KLB: variants seen among roughly 807,000 people sequenced by gnomAD.
The protein encoded by KLB is klotho beta.
In KLB, 44 loss-of-function variants were observed where a neutral mutation model predicts 88.4. The observed-to-expected ratio is 0.50, with a 90% CI of 0.39 to 0.64. The LOEUF (loss-of-function observed/expected upper bound fraction) is 0.64. Ranked by LOEUF, KLB falls within the 30% of genes least tolerant of loss-of-function variation. KLB has a pLI of 0.00. For missense variants in KLB, 1,137 were observed against 1,304.8 expected (o/e 0.87, Z 1.98); for synonymous variants, 548 against 513.4 (o/e 1.07, Z -0.91).
chr4:39,429,653 T>C (rs1743299509), intron 1 of KLB, among the ~76,000 whole-genome samples: 1 of 152,166 alleles, frequency 6.6e-6, no homozygotes, highest in Admixed American at 6.5e-5. Context: ...GAGGGTGACC[T>C]TGGAAAAGTG....
At chr4:39,439,595 G>A (rs967137346) in intron 3 of KLB, among the ~76,000 whole-genome samples, 15 of 150,706 alleles carry the variant, frequency 1.0e-4, no homozygotes, top group African/African-American at 1.5e-4. Context: ...TAGTTCAAAC[G>A]ATTCTCCTGC....
rs1200859647 is a variant in KLB, at chr4:39,450,724, G to A, written c.*2038G>A. The A allele has an allele frequency of 6.6e-6, 1 of 152,106 alleles. No individual in the cohort carries two copies. Among genetic ancestry groups the A allele is most frequent in the Non-Finnish European group, 1.5e-5 (1 of 68,018 alleles). The allele number at this position is 152,106 out of a possible 1,614,324, so 9.4% of individuals were successfully genotyped here. A position where few individuals can be genotyped will look rare whatever the true frequency, so the allele number is the denominator to read the frequency against. ...TACTCTAACTATGTAGAAACAGTAAGTCACTTAAAACAATCACTTGGCTGG... is the reference window on the plus strand; with the variant it reads ...TACTCTAACTATGTAGAAACAGTAAATCACTTAAAACAATCACTTGGCTGG... On this transcript the variant is annotated 3_prime_UTR_variant, in exon 5 of 5. Coordinates refer to ENST00000257408, the MANE Select transcript of KLB (RefSeq NM_175737.4).
chr4:39,407,886 T>C, intron 1 of KLB, 112 bp downstream of exon 1: 1 of 628,786 alleles, frequency 1.6e-6, no homozygotes, highest in South Asian at 3.9e-5. Context: ...GATTTTAAGC[T>C]AATTCAAAAG....
chr4:39,442,070 T>C (rs1351509810), intron 3 of KLB, among the ~76,000 whole-genome samples: 1 of 152,066 alleles, frequency 6.6e-6, no homozygotes, highest in Non-Finnish European at 1.5e-5. Flanking sequence ...GGCAAAACCC[T>C]GTCTCTACAA....
At chr4:39,433,333 T>C (rs2109834892) in intron 1 of KLB, among the ~76,000 whole-genome samples, 1 of 152,328 alleles carries the variant, frequency 6.6e-6, no homozygotes, top group East Asian at 1.9e-4. Flanking sequence ...GGTCTTCTGC[T>C]GTGGGCAGTG....
intron 3 of KLB, among the ~76,000 whole-genome samples, chr4:39,445,120 G>A (rs1014050884): frequency 3.9e-5 from 6 of 152,160 alleles, no homozygotes; most frequent in Non-Finnish European, 7.3e-5. Context: ...TTGCCACTAG[G>A]GAAAATGAAA....
intron 1 of KLB, among the ~76,000 whole-genome samples, chr4:39,432,747 A>G (rs899477087): frequency 3.5e-4 from 53 of 152,162 alleles, no homozygotes; most frequent in African/African-American, 1.2e-3. Context: ...AAGAGAGCTC[A>G]ACTGGAAATG....
At chr4:39,441,211 A>G (rs934643313) in intron 3 of KLB, among the ~76,000 whole-genome samples, 28 of 152,184 alleles carry the variant, frequency 1.8e-4, no homozygotes, top group African/African-American at 6.3e-4. Context: ...TAAAGGGGGA[A>G]AGTTATAGAG....
intron 1 of KLB, among the ~76,000 whole-genome samples, chr4:39,425,466 G>T (rs1743184599): frequency 6.6e-6 from 1 of 152,126 alleles, no homozygotes; most frequent in Admixed American, 6.6e-5. Context: ...GCCTTGCTCT[G>T]TCACCCGGGC....
At chr4:39,447,903 G>C (rs930410456) in intron 4 of KLB, among the ~76,000 whole-genome samples, 8 of 149,298 alleles carry the variant, frequency 5.4e-5, no homozygotes, top group African/African-American at 2.1e-4. Flanking sequence ...GCGACAGTGA[G>C]TGAGTGGGTA....
chr4:39,430,454 C>G (rs1003660726), intron 1 of KLB, among the ~76,000 whole-genome samples: 19 of 149,334 alleles, frequency 1.3e-4, no homozygotes, highest in Non-Finnish European at 2.1e-4. Flanking sequence ...GTGATTCTAG[C>G]CCCAGAAAAA....
chr4:39,412,128 G>A (rs1226834646), intron 1 of KLB, among the ~76,000 whole-genome samples: 1 of 151,886 alleles, frequency 6.6e-6, no homozygotes, highest in Non-Finnish European at 1.5e-5. Context: ...TACTCCTCTG[G>A]TGATGAGTAC....
intron 1 of KLB, 114 bp from the exon 2 acceptor site, chr4:39,434,096 C>T: frequency 6.0e-6 from 6 of 1,003,064 alleles, no homozygotes; most frequent in South Asian, 4.9e-5. Flanking sequence ...TGGCAGCTTT[C>T]CCCTGAATCA....
chr4:39,437,563 CT>C (rs1304019049), intron 2 of KLB, among the ~76,000 whole-genome samples, 163 bp from the exon 3 acceptor site: 3 of 152,166 alleles, frequency 2.0e-5, no homozygotes, highest in Non-Finnish European at 4.4e-5. Flanking sequence ...GTAATTGCCA[CT>C]TTTGAAGTAT....
Position 39,447,450 on chromosome 4 carries a change from G to T in KLB, c.2724G>T (p.Gly908=). Residue 908 remains glycine, a synonymous_variant, in exon 4 of 5, where the codon GGG becomes GGT. Coordinates refer to ENST00000257408, the MANE Select transcript of KLB (RefSeq NM_175737.4). ...ACCGGCTCCGGAAGTACTACCTAGG[G>T]AAGTACCTTCAGGAGGTGCTGAAAG... ...EDDRLRKYYL[G]KYLQEVLKAY... 1 of 1,598,502 alleles carries T rather than the reference G, an allele frequency of 6.3e-7. No homozygotes were observed. Among genetic ancestry groups the T allele is most frequent in the Non-Finnish European group, 8.5e-7 (1 of 1,171,278 alleles).
At position 39,448,435 on chromosome 4, in the gene KLB, A is replaced by C; in HGVS notation, c.2884A>C (p.Ile962Leu). The C allele has an allele frequency of 1.2e-6, 2 of 1,614,202 alleles. No homozygotes were observed. Among genetic ancestry groups the C allele is most frequent in the Non-Finnish European group, 1.7e-6 (2 of 1,180,012 alleles). ...KSSIQFYNKV[I>L]SSRGFPFENS... ...CTCAATACAATTTTACAACAAAGTGATCAGCAGCAGGGGCTTCCCTTTTGA... is the reference window on the plus strand; with the variant it reads ...CTCAATACAATTTTACAACAAAGTGCTCAGCAGCAGGGGCTTCCCTTTTGA... The change falls in exon 5 of 5, where the codon ATC becomes CTC. Residue 962 changes from isoleucine to leucine, a missense_variant. Physicochemically the swap from Ile to Leu is conservative, Grantham distance 5 (BLOSUM62 2). This residue lies in a region of KLB where 426 missense variants were observed against 404.6 expected (regional missense o/e 1.05). Transcript: ENST00000257408.
At chr4:39,428,517 T>C (rs1223928478) in intron 1 of KLB, among the ~76,000 whole-genome samples, 3 of 151,670 alleles carry the variant, frequency 2.0e-5, no homozygotes, top group African/African-American at 4.8e-5. Context: ...TTAAAGGTTA[T>C]ATGCCCAAAG....
chr4:39,442,347 A>G (rs1450174532), intron 3 of KLB, among the ~76,000 whole-genome samples: 1 of 152,168 alleles, frequency 6.6e-6, no homozygotes, highest in Admixed American at 6.5e-5. Flanking sequence ...AAAAATTTCA[A>G]ACATACAATA....
Position 39,446,699 on chromosome 4 carries a change from C to T in KLB, c.1973C>T (p.Ala658Val). Residue 658 changes from alanine to valine, a missense_variant, in exon 4 of 5, where the codon GCC (alanine) becomes GTC (valine). Ala to Val is a moderately conservative substitution (Grantham distance 64, BLOSUM62 0). This residue lies in a region of KLB where 597 missense variants were observed against 765.2 expected (regional missense o/e 0.78). Coordinates refer to ENST00000257408, the MANE Select transcript of KLB (RefSeq NM_175737.4). The surrounding 1 kb of genome is among the most constrained non-coding windows in gnomAD (Gnocchi z 6.4). ...GGCCTCCCCGAGCCTCTGTTGCATG[C>T]CGACGGGTGGCTGAACCCATCGACG... ...HLGLPEPLLH[A>V]DGWLNPSTAE... is the part of the protein sequence containing the mutation. The T allele has an allele frequency of 6.2e-7, 1 of 1,610,382 alleles. No homozygotes were observed. Among genetic ancestry groups the T allele is most frequent in the Non-Finnish European group, 8.5e-7 (1 of 1,177,794 alleles).
Sources: gnomAD v4.1 joint callset for allele counts (sites outside exome capture counted in the v4.1 genomes callset) on GRCh38, gnomAD v4.1.1 for gene constraint, gnomAD v4.1.1 regional missense constraint, Gnocchi (gnomAD v3.1) non-coding constraint, MANE v1.5 for transcripts, NCBI Gene and HGNC (gene_info 2026-07-23, HGNC 2026-07-21) for gene names.